The following NPIPB2 variants were observed in gnomAD, a reference collection of about 807,000 sequenced individuals.
NPIPB2 encodes the protein nuclear pore complex interacting protein family member B2.
NPIPB2 carries 27 observed loss-of-function variants against 30.8 expected under a neutral mutation model. The ratio of observed to expected loss-of-function variants is 0.88; its 90% CI spans 0.65 to 1.21. NPIPB2 has a LOEUF of 1.21. Ranked by LOEUF, NPIPB2 falls within the 50% of genes most tolerant of loss-of-function variation. The pLI is 0.00. For synonymous variants in NPIPB2, 147 were observed against 162.0 expected (o/e 0.91, Z 0.70); for missense variants, 440 against 446.2 (o/e 0.99, Z 0.13).
chr16:11,944,876 T>A (rs1193445239), upstream of NPIPB2, among the ~76,000 whole-genome samples: 1 of 150,996 alleles, frequency 6.6e-6, no homozygotes, highest in East Asian at 2.0e-4. Flanking sequence ...ACCTTGGAGA[T>A]GTGTTAAAGA....
At chr16:11,942,527 T>C (rs1213730938), upstream of NPIPB2, among the ~76,000 whole-genome samples, 1 of 151,898 alleles carries the variant, frequency 6.6e-6, no homozygotes, top group African/African-American at 2.4e-5. Flanking sequence ...TCCTTATCTA[T>C]ATCATCTTAC....
intron 1 of NPIPB2, chr16:11,964,143 T>C (rs2150938708): frequency 1.3e-5 from 2 of 152,204 alleles, no homozygotes; most frequent in Middle Eastern, 3.4e-3. Flanking sequence ...AGACATCGCA[T>C]CGGCAGGTCT....
chr16:11,933,961 G>A (rs1465943888), intron 2 of NPIPB2, 37 bp from the exon 3 acceptor site: 17 of 1,476,154 alleles, frequency 1.2e-5, no homozygotes, highest in East Asian at 2.3e-5. Flanking sequence ...GGCTGGGCAC[G>A]GTGGTTCATG....
chr16:11,971,517 CAG>C (rs150803568), intron 1 of NPIPB2, among the ~76,000 whole-genome samples: 17,369 of 151,244 alleles, frequency 0.11, 1,449 homozygotes, highest in African/African-American at 0.21. Flanking sequence ...TTTTTTTAGA[CAG>C]AGTCTTGCTC....
At chr16:11,938,522 G>A (rs144552135) in intron 1 of NPIPB2, among the ~76,000 whole-genome samples, 1 of 150,602 alleles carries the variant, frequency 6.6e-6, no homozygotes, top group African/African-American at 2.4e-5. Context: ...GTGGAGATGG[G>A]GTTTTGCCAT....
At chr16:11,960,291 T>A (rs2055143924) in intron 1 of NPIPB2, among the ~76,000 whole-genome samples, 1 of 152,144 alleles carries the variant, frequency 6.6e-6, no homozygotes, top group Admixed American at 6.6e-5. Context: ...CAATAGTGTT[T>A]TCTTTCCAAA....
At chr16:11,946,735 G>A (rs80163318), upstream of NPIPB2, among the ~76,000 whole-genome samples, 1 of 152,136 alleles carries the variant, frequency 6.6e-6, no homozygotes, top group Admixed American at 6.6e-5. Flanking sequence ...CAGTTGGAAA[G>A]TTTAATAAAA....
At chr16:11,948,376 T>C (rs1282279287) in intron 1 of NPIPB2, among the ~76,000 whole-genome samples, 1 of 152,044 alleles carries the variant, frequency 6.6e-6, no homozygotes, top group African/African-American at 2.4e-5. Context: ...TCAACACCAT[T>C]TTTGAAATAT....
intron 1 of NPIPB2, among the ~76,000 whole-genome samples, chr16:11,972,724 C>A (rs1374752017): frequency 1.3e-5 from 2 of 150,938 alleles, no homozygotes. Flanking sequence ...ATTAGCTGGA[C>A]GTGGTGGTGG....
chr16:11,967,919 T>C, intron 1 of NPIPB2: 1 of 1,520,754 alleles, frequency 6.6e-7, no homozygotes, highest in Non-Finnish European at 8.9e-7. Flanking sequence ...CAGATCTCTT[T>C]AGGATGACTG....
chr16:11,927,528 C>G, exon 8 of NPIPB2: 5 of 1,590,676 alleles, frequency 3.1e-6, no homozygotes, highest in Non-Finnish European at 4.3e-6. Context: ...GGTGGTGATT[C>G]CATCTCAGCC....
upstream of NPIPB2, among the ~76,000 whole-genome samples, chr16:11,946,724 G>A (rs2055014364): frequency 6.6e-6 from 1 of 152,094 alleles, no homozygotes; most frequent in African/African-American, 2.4e-5. Flanking sequence ...ACTTTGGAAA[G>A]CAGTTGGAAA....
At chr16:11,930,527 C>G in exon 5 of NPIPB2, 6 of 1,588,016 alleles carry the variant, frequency 3.8e-6, no homozygotes, top group Non-Finnish European at 5.1e-6. Flanking sequence ...TTTCTGCATG[C>G]TCACATTCTT....
intron 1 of NPIPB2, among the ~76,000 whole-genome samples, chr16:11,958,259 C>A (rs558043063): frequency 4.0e-5 from 6 of 151,790 alleles, no homozygotes; most frequent in Non-Finnish European, 1.5e-5. Flanking sequence ...AACCTCACCT[C>A]TACTAAAAAT....
rs111576181 is a variant in NPIPB2 at position 11,952,756 on chromosome 16, G to A, written c.-583-10642C>T. ...ATTTTTGCATTTTTTAGTAGAGATAGGGTTTTGCAATGTTGGCCAGGCTGG... is the reference window on the plus strand; with the variant it reads ...ATTTTTGCATTTTTTAGTAGAGATAAGGTTTTGCAATGTTGGCCAGGCTGG... On this transcript the variant is annotated intron_variant, in intron 1 of 5. Coordinates refer to the NPIPB2 transcript ENST00000538896. Among the ~76,000 whole-genome samples, 319 of 151,846 alleles carry A rather than the reference G, an allele frequency of 2.1e-3. 1 individual carries two copies. The highest frequency in any genetic ancestry group is 3.7e-3 in the Non-Finnish European group (249 of 67,904).
chr16:11,941,372 A>C (rs1306391329), intron 1 of NPIPB2: 3 of 92,768 alleles, frequency 3.2e-5, no homozygotes, highest in Admixed American at 1.9e-4. Context: ...GGGGAGGGGA[A>C]GGGGAGAGGA....
intron 1 of NPIPB2, among the ~76,000 whole-genome samples, chr16:11,962,705 T>C (rs2055163210): frequency 6.6e-6 from 1 of 152,016 alleles, no homozygotes; most frequent in African/African-American, 2.4e-5. Flanking sequence ...GGAAAAAGAC[T>C]TACTTTTCAT....
At chr16:11,953,603 G>C (rs975329063) in intron 1 of NPIPB2, among the ~76,000 whole-genome samples, 1 of 152,002 alleles carries the variant, frequency 6.6e-6, no homozygotes, top group Non-Finnish European at 1.5e-5. Flanking sequence ...ACCCACCTTG[G>C]CTTCTCAAAG....
At chr16:11,952,436 T>C (rs912880104) in intron 1 of NPIPB2, among the ~76,000 whole-genome samples, 4 of 152,110 alleles carry the variant, frequency 2.6e-5, no homozygotes, top group African/African-American at 7.2e-5. Context: ...CTTGAATCTA[T>C]ATGAAAGAAT....
Sources: gnomAD v4.1 joint callset for allele counts (sites outside exome capture counted in the v4.1 genomes callset) on GRCh38, gnomAD v4.1.1 for gene constraint, MANE v1.5 for transcripts, NCBI Gene and HGNC (gene_info 2026-07-23, HGNC 2026-07-21) for gene names.